RNLS: variants seen among roughly 807,000 people sequenced by gnomAD.
RNLS encodes the protein renalase.
In RNLS, 39 loss-of-function variants were observed where a neutral mutation model predicts 39.8. The observed-to-expected ratio is 0.98, with a 90% CI of 0.76 to 1.28. The LOEUF is 1.28. Ranked by LOEUF, RNLS falls within the 50% of genes most tolerant of loss-of-function variation. The pLI, the probability that RNLS is intolerant of heterozygous loss-of-function variation, is 0.00. For synonymous variants in RNLS, 147 were observed against 150.7 expected (o/e 0.98, Z 0.18); for missense variants, 410 against 413.3 (o/e 0.99, Z 0.07).
At chr10:88,246,153 C>A in the RNLS span, among the ~76,000 whole-genome samples, 73 of 152,272 alleles carry the variant, frequency 4.8e-4, no homozygotes, top group South Asian at 1.5e-3. Context: ...CAGTGCAAAG[C>A]GGCTTCCTCA....
chr10:88,362,458 C>A, intron 5 of RNLS, 94 bp downstream of exon 5: 1 of 1,155,192 alleles, frequency 8.7e-7, no homozygotes. Flanking sequence ...AATGCTTGCT[C>A]TGTTCAGAAT....
chr10:88,547,606 G>A (rs576253120), intron 4 of RNLS, among the ~76,000 whole-genome samples: 1 of 152,210 alleles, frequency 6.6e-6, no homozygotes, highest in African/African-American at 2.4e-5. Flanking sequence ...GACATAAAGA[G>A]AATTATAAGC....
At chr10:88,190,101 ACT>A in the RNLS span, among the ~76,000 whole-genome samples, 1 of 151,962 alleles carries the variant, frequency 6.6e-6, no homozygotes, top group Admixed American at 6.6e-5. Context: ...ACTCTTTGGT[ACT>A]CTTTCTTCAA....
At chr10:88,530,697 T>A (rs774685642) in intron 4 of RNLS, among the ~76,000 whole-genome samples, 1 of 152,212 alleles carries the variant, frequency 6.6e-6, no homozygotes, top group African/African-American at 2.4e-5. Flanking sequence ...GCTTTTGCTT[T>A]TCTTAAACAT....
the RNLS span, among the ~76,000 whole-genome samples, chr10:88,182,703 G>A: frequency 5.3e-5 from 8 of 152,086 alleles, no homozygotes; most frequent in South Asian, 1.7e-3. Context: ...GTGTGTGAGA[G>A]AGTGATTTTA....
intron 5 of RNLS, among the ~76,000 whole-genome samples, chr10:88,324,440 A>AAC (rs1307895185): frequency 2.0e-5 from 3 of 151,808 alleles, no homozygotes; most frequent in African/African-American, 7.3e-5. Context: ...AAAAAAAAAA[A>AAC]AAACTAAAAC....
At chr10:88,188,724 G>A in the RNLS span, among the ~76,000 whole-genome samples, 3 of 152,258 alleles carry the variant, frequency 2.0e-5, no homozygotes, top group African/African-American at 7.2e-5. Context: ...TCTAGGAGAT[G>A]CACCATAGAC....
chr10:88,332,086 C>T (rs950016252), intron 5 of RNLS, among the ~76,000 whole-genome samples: 1 of 152,210 alleles, frequency 6.6e-6, no homozygotes, highest in Non-Finnish European at 1.5e-5. Context: ...ACTGCTGGTC[C>T]CAGGTCAAGA....
At position 88,474,347 on chromosome 10, in the gene RNLS, G is replaced by C. The variant is rs186327185; in HGVS notation, c.526+98556C>G. 2.2e-3 allele frequency among the ~76,000 whole-genome samples: 329 copies of C among 152,236 alleles called. 1 individual carries two copies. The highest frequency in any genetic ancestry group is 7.6e-3 in the African/African-American group (314 of 41,542). Reference sequence around the variant, plus strand: ...TCTGAATGGGGCATAATTGGCATTTGAGGCAGGAGAATTCTTTGTTGCGTG... The same window carrying C: ...TCTGAATGGGGCATAATTGGCATTTCAGGCAGGAGAATTCTTTGTTGCGTG... On this transcript the variant is annotated intron_variant, in intron 4 of 6. Transcript: ENST00000331772.
chr10:88,428,351 C>T (rs1854933241), intron 4 of RNLS, among the ~76,000 whole-genome samples: 1 of 151,960 alleles, frequency 6.6e-6, no homozygotes, highest in African/African-American at 2.4e-5. Flanking sequence ...GAAAGGTTCA[C>T]TTTTATTCAT....
At chr10:88,314,821 T>C (rs1225957201) in intron 5 of RNLS, among the ~76,000 whole-genome samples, 180 bp from the exon 6 acceptor site, 1 of 152,198 alleles carries the variant, frequency 6.6e-6, no homozygotes, top group African/African-American at 2.4e-5. Flanking sequence ...CAAACTTCTC[T>C]GAAGAGGAAG....
the RNLS span, among the ~76,000 whole-genome samples, chr10:88,220,277 G>C: frequency 6.6e-6 from 1 of 152,154 alleles, no homozygotes; most frequent in African/African-American, 2.4e-5. Flanking sequence ...TCCTTTGCTT[G>C]GAGTCAGCTC....
chr10:88,229,086 T>C, the RNLS span, among the ~76,000 whole-genome samples: 1 of 152,194 alleles, frequency 6.6e-6, no homozygotes, highest in Non-Finnish European at 1.5e-5. Flanking sequence ...TCACTTACAT[T>C]ACACTTCCAC....
At chr10:88,264,466 A>G in the RNLS span, among the ~76,000 whole-genome samples, 2 of 151,934 alleles carry the variant, frequency 1.3e-5, no homozygotes, top group Non-Finnish European at 2.9e-5. Context: ...TTTTCACCAC[A>G]TCCCCACCAA....
chr10:88,569,461 C>CA (rs932415781), intron 4 of RNLS, among the ~76,000 whole-genome samples: 2 of 151,954 alleles, frequency 1.3e-5, no homozygotes, highest in African/African-American at 4.8e-5. Flanking sequence ...GCTGGAGTAC[C>CA]AAAAAGGATG....
intron 4 of RNLS, among the ~76,000 whole-genome samples, chr10:88,370,696 T>G (rs1334972182): frequency 6.6e-6 from 1 of 152,180 alleles, no homozygotes; most frequent in Non-Finnish European, 1.5e-5. Context: ...AATAGTATCT[T>G]AGCCAGAATA....
intron 5 of RNLS, among the ~76,000 whole-genome samples, chr10:88,329,213 C>T (rs979967496): frequency 6.6e-6 from 1 of 151,564 alleles, no homozygotes; most frequent in Non-Finnish European, 1.5e-5. Context: ...GACCACCACA[C>T]CCAGCTAGTT....
intron 4 of RNLS, among the ~76,000 whole-genome samples, chr10:88,486,061 C>T (rs1589876357): frequency 6.6e-6 from 1 of 151,902 alleles, no homozygotes; most frequent in East Asian, 1.9e-4. Flanking sequence ...AAAATAGTTG[C>T]AAAGCATACA....
At chr10:88,428,808 T>C (rs780731821) in intron 4 of RNLS, among the ~76,000 whole-genome samples, 1 of 151,954 alleles carries the variant, frequency 6.6e-6, no homozygotes, top group Admixed American at 6.6e-5. Context: ...GGGCATTTGG[T>C]AGTCACTTTG....
Sources: gnomAD v4.1 joint callset for allele counts (sites outside exome capture counted in the v4.1 genomes callset) on GRCh38, gnomAD v4.1.1 for gene constraint, MANE v1.5 for transcripts, NCBI Gene and HGNC (gene_info 2026-07-23, HGNC 2026-07-21) for gene names.